Variants in GPAM observed in about 807,000 individuals in gnomAD.
GPAM encodes glycerol-3-phosphate acyltransferase, mitochondrial.
In GPAM, 56 loss-of-function variants were observed where a neutral mutation model predicts 105.0. The observed-to-expected ratio is 0.53, with a 90% CI of 0.43 to 0.67. The LOEUF (loss-of-function observed/expected upper bound fraction) is 0.67, where lower values mean the gene tolerates loss of function less well. GPAM is among the 30% of genes least tolerant of loss of function. The pLI, the probability that GPAM is intolerant of heterozygous loss-of-function variation, is 0.00. For synonymous variants in GPAM, 368 were observed against 354.4 expected, an observed-to-expected ratio of 1.04 and a Z score of -0.43; for missense variants, 855 against 989.8, an observed-to-expected ratio of 0.86 and a Z score of 1.83.
Position 112,178,062 on chromosome 10 carries a change from A to G in GPAM, c.226-5T>C. The G allele has an allele frequency of 6.5e-7, 1 of 1,531,688 alleles. No homozygotes were observed. Among genetic ancestry groups the G allele is most frequent in the South Asian group, 1.1e-5 (1 of 89,312 alleles). 94.9% of individuals were successfully genotyped at this position (1,531,688 alleles called of 1,614,324 possible). A position where few individuals can be genotyped will look rare whatever the true frequency, so the allele number is the denominator to read the frequency against. On this transcript the variant is annotated splice_polypyrimidine_tract_variant and splice_region_variant and intron_variant, in intron 4 of 21. Coordinates refer to ENST00000348367, the MANE Select transcript of GPAM (RefSeq NM_001244949.2). ...ACTGGGGTTGAAAAATTTGTCCTATATAAAACAAAGTAAATGTAGACATAA... is the reference window on the plus strand; with the variant it reads ...ACTGGGGTTGAAAAATTTGTCCTATGTAAAACAAAGTAAATGTAGACATAA...
chr10:112,177,571 A>C (rs1300871256), intron 5 of GPAM, among the ~76,000 whole-genome samples: 1 of 152,234 alleles, frequency 6.6e-6, no homozygotes, highest in African/African-American at 2.4e-5. Flanking sequence ...ACATTTGCTC[A>C]ACAGAGAAAA....
Position 112,150,299 on chromosome 10 carries a change from C to A in GPAM, c.*3251G>T. The A allele has an allele frequency of 1.0e-6, 1 of 985,302 alleles. No individual in the cohort carries two copies. Among genetic ancestry groups the A allele is most frequent in the Non-Finnish European group, 1.2e-6 (1 of 829,500 alleles). 61.0% of individuals were successfully genotyped at this position (985,302 alleles called of 1,614,324 possible). On this transcript the variant is annotated 3_prime_UTR_variant, in exon 22 of 22. Transcript: ENST00000348367. The stretch of plus-strand genomic sequence containing the variant: ...AAAATCTGCATTCAAACGTACAATA[C>A]TTTCTTCTAGATCTGAATTAAAACC...
In GPAM at chr10:112,150,399, A is replaced by G. The variant is rs115766003; in HGVS notation, c.*3151T>C. 2.1e-4 allele frequency: 209 copies of G among 985,744 alleles called. No individual in the cohort carries two copies. In the African/African-American group the frequency reaches 3.5e-3, roughly 16 times the overall value. 61.1% of individuals were successfully genotyped at this position (985,744 alleles called of 1,614,324 possible). A position where few individuals can be genotyped will look rare whatever the true frequency, so the allele number is the denominator to read the frequency against. ...CAGGATCATTGGGGCTGTTCTCTCTATCAAAGGAAAGAGCTCCGATCACCT... is the reference window on the plus strand; with the variant it reads ...CAGGATCATTGGGGCTGTTCTCTCTGTCAAAGGAAAGAGCTCCGATCACCT... On this transcript the variant is annotated 3_prime_UTR_variant, in exon 22 of 22. Coordinates refer to ENST00000348367, the MANE Select transcript of GPAM (RefSeq NM_001244949.2).
At chr10:112,186,608 G>C (rs182510821), upstream of GPAM, among the ~76,000 whole-genome samples, 1 of 151,932 alleles carries the variant, frequency 6.6e-6, no homozygotes, top group African/African-American at 2.4e-5. Flanking sequence ...GTGCAGTGGC[G>C]TGATCTCAGC....
chr10:112,220,853 T>TAC, the GPAM span, among the ~76,000 whole-genome samples: 39,559 of 145,874 alleles, frequency 0.27, 5,763 homozygotes, highest in African/African-American at 0.41. Context: ...AGATCTCAAA[T>TAC]ACACACACAC....
At chr10:112,192,608 T>TGG (rs1847674771) in intron 1 of GPAM, among the ~76,000 whole-genome samples, 1 of 152,146 alleles carries the variant, frequency 6.6e-6, no homozygotes, top group Non-Finnish European at 1.5e-5. Flanking sequence ...GGGCAGAACT[T>TGG]GGCAGAGAGT....
rs940033485 is a variant in GPAM at position 112,158,402 on chromosome 10, A to T, written c.1903-9T>A. Reference sequence around the variant, plus strand: ...TAAAATGTCTGGCAAGGCTGAAAAGAAAATTCATTTAAATATAAATGCCAC... The same window carrying T: ...TAAAATGTCTGGCAAGGCTGAAAAGTAAATTCATTTAAATATAAATGCCAC... On this transcript the variant is annotated splice_polypyrimidine_tract_variant and intron_variant, in intron 17 of 21. Transcript: ENST00000348367. 1.9e-6 allele frequency: 3 copies of T among 1,554,026 alleles called. No individual in the cohort carries two copies. In the Admixed American group the frequency reaches 5.0e-5, roughly 26 times the overall value.
chr10:112,220,308 A>G (rs1482620109), upstream of GPAM, among the ~76,000 whole-genome samples: 1 of 143,096 alleles, frequency 7.0e-6, no homozygotes, highest in African/African-American at 2.7e-5. Context: ...CCTGTCTGCC[A>G]TTCTGCAGGC....
chr10:112,160,551 G>T, intron 16 of GPAM, 53 bp downstream of exon 16: 1 of 1,512,268 alleles, frequency 6.6e-7, no homozygotes, highest in Non-Finnish European at 9.2e-7. Flanking sequence ...ATGTGTTTTA[G>T]GCCTTTTTAT....
intron 1 of GPAM, among the ~76,000 whole-genome samples, chr10:112,200,157 T>C (rs1034210235): frequency 4.5e-4 from 53 of 117,852 alleles, no homozygotes; most frequent in Admixed American, 8.7e-4. Flanking sequence ...TATTTACACA[T>C]TGTAAAGGAA....
Position 112,180,610 on chromosome 10 carries a change from GA to G in GPAM, c.103-16del. The G allele has an allele frequency of 6.2e-7, 1 of 1,601,536 alleles. No homozygotes were observed. Among genetic ancestry groups the G allele is most frequent in the Non-Finnish European group, 8.6e-7 (1 of 1,169,266 alleles). ...CCACACTCACCCTGACAAATATTAA[GA>G]AAAAAATATAGTTTCTAAATGGCAA... On this transcript the variant is annotated splice_polypyrimidine_tract_variant and intron_variant, in intron 3 of 21. Transcript: ENST00000348367.
At position 112,181,701 on chromosome 10, in the gene GPAM, C is replaced by T. The variant is rs1295436254; in HGVS notation, c.84G>A (p.Lys28=). Residue 28 remains lysine, a synonymous_variant, in exon 3 of 22, where the codon AAG becomes AAA. Coordinates refer to ENST00000348367, the MANE Select transcript of GPAM (RefSeq NM_001244949.2). ...HSSEYSVGRC[K]HTSEEWGECG... ...AACTTACCCATTCCTCACTTGTGTG[C>T]TTACATCGACCAACACTGTATTCTG... 2.5e-6 allele frequency: 4 copies of T among 1,598,034 alleles called. No individual in the cohort carries two copies. Among genetic ancestry groups the T allele is most frequent in the Non-Finnish European group, 8.6e-7 (1 of 1,165,516 alleles).
intron 9 of GPAM, among the ~76,000 whole-genome samples, chr10:112,170,854 T>C (rs1232731048): frequency 1.3e-5 from 2 of 152,224 alleles, no homozygotes; most frequent in Admixed American, 6.5e-5. Flanking sequence ...TAAATATCAC[T>C]GACTGCATGA....
chr10:112,176,846 A>G (rs1334292743), intron 5 of GPAM, among the ~76,000 whole-genome samples: 1 of 152,248 alleles, frequency 6.6e-6, no homozygotes, highest in Non-Finnish European at 1.5e-5. Context: ...GAATACACAG[A>G]AGAAGTAAAT....
chr10:112,166,163 T>A (rs1473367428), intron 12 of GPAM, among the ~76,000 whole-genome samples: 3 of 152,088 alleles, frequency 2.0e-5, no homozygotes, highest in Non-Finnish European at 2.9e-5. Context: ...TAAAAAAAAA[T>A]AATAATAGCA....
intron 1 of GPAM, among the ~76,000 whole-genome samples, chr10:112,213,317 T>C (rs942163492): frequency 2.6e-5 from 4 of 152,166 alleles, no homozygotes; most frequent in African/African-American, 7.2e-5. Flanking sequence ...AACTTATAGT[T>C]TGCTCATTCA....
chr10:112,154,702 TA>T lies in GPAM; in HGVS notation c.2312-16del. The stretch of plus-strand genomic sequence containing the variant: ...GGCACTCTCAGCTGAAGAGAGAGAA[TA>T]AAACCCTGTCAAATGGTTACGCTCA... On this transcript the variant is annotated splice_polypyrimidine_tract_variant and intron_variant, in intron 20 of 21. Coordinates refer to ENST00000348367, the MANE Select transcript of GPAM (RefSeq NM_001244949.2). 1 of 1,577,992 alleles carries T rather than the reference TA, an allele frequency of 6.3e-7. No individual in the cohort carries two copies. Among genetic ancestry groups the T allele is most frequent in the Non-Finnish European group, 8.7e-7 (1 of 1,147,282 alleles).
chr10:112,166,611 G>GT (rs1847222126), intron 11 of GPAM, 96 bp from the exon 12 acceptor site: 1 of 788,822 alleles, frequency 1.3e-6, no homozygotes, highest in South Asian at 1.4e-5. Flanking sequence ...TATGGAAACT[G>GT]TAAGTTCATC....
chr10:112,178,512 T>C (rs1700949399), intron 4 of GPAM, among the ~76,000 whole-genome samples: 1 of 152,080 alleles, frequency 6.6e-6, no homozygotes, highest in African/African-American at 2.4e-5. Context: ...ACGATGCCAT[T>C]GTACTCCAGC....
Sources: gnomAD v4.1 joint callset for allele counts (sites outside exome capture counted in the v4.1 genomes callset) on GRCh38, gnomAD v4.1.1 for gene constraint, MANE v1.5 for transcripts, NCBI Gene and HGNC (gene_info 2026-07-23, HGNC 2026-07-21) for gene names.